ZNF483: variants seen among roughly 807,000 people sequenced by gnomAD.
ZNF483 encodes zinc finger protein HIT-10.
A neutral mutation model predicts 28.6 loss-of-function variants in ZNF483; 9 were observed. That is an observed-to-expected ratio of 0.32 (90% CI 0.19 to 0.55). The LOEUF (loss-of-function observed/expected upper bound fraction) is 0.55. Ranked by LOEUF, ZNF483 falls within the 20% of genes least tolerant of loss-of-function variation. The pLI, the probability that ZNF483 is intolerant of heterozygous loss-of-function variation, is 0.93. For synonymous variants in ZNF483, 322 were observed against 306.2 expected (o/e 1.05, Z -0.54); for missense variants, 675 against 871.7 (o/e 0.77, Z 2.84).
chr9:111,527,733 A>T lies in ZNF483; in HGVS notation c.338A>T (p.Lys113Met). 1 of 1,614,166 alleles carries T rather than the reference A, an allele frequency of 6.2e-7. No homozygotes were observed. Among genetic ancestry groups the T allele is most frequent in the African/African-American group, 1.3e-5 (1 of 75,054 alleles). ...ILPGEIRIWV[K>M]SQHPESSEEV... Reference sequence around the variant, plus strand: ...CCTGGGGAGATCAGGATTTGGGTAAAGTCACAACATCCTGAGAGTAGTGAG... The same window carrying T: ...CCTGGGGAGATCAGGATTTGGGTAATGTCACAACATCCTGAGAGTAGTGAG... Residue 113 changes from lysine (K) to methionine (M), a missense_variant, in exon 2 of 6, where the codon AAG (lysine) becomes ATG (methionine). By Grantham distance (95) the Lys-to-Met change is moderately conservative. Transcript: ENST00000309235.
intron 5 of ZNF483, among the ~76,000 whole-genome samples, chr9:111,565,207 G>A (rs929939547): frequency 6.6e-6 from 1 of 152,098 alleles, no homozygotes; most frequent in Non-Finnish European, 1.5e-5. Context: ...AGGAGGTTAG[G>A]ACATAGACAC....
At chr9:111,566,703 C>G (rs530975332) in intron 5 of ZNF483, among the ~76,000 whole-genome samples, 1 of 152,098 alleles carries the variant, frequency 6.6e-6, no homozygotes, top group Non-Finnish European at 1.5e-5. Flanking sequence ...TTATTCAGTG[C>G]CTACATTGCT....
intron 5 of ZNF483, among the ~76,000 whole-genome samples, chr9:111,541,088 CTTT>C (rs747551274): frequency 7.0e-5 from 9 of 128,108 alleles, no homozygotes; most frequent in South Asian, 5.0e-4. Context: ...AAGTTTGAAC[CTTT>C]TTTTTTTTTT....
intron 1 of ZNF483, among the ~76,000 whole-genome samples, chr9:111,525,509 T>G (rs954353735): frequency 6.6e-6 from 1 of 152,134 alleles, no homozygotes; most frequent in African/African-American, 2.4e-5. Context: ...GTTTGTGGTG[T>G]GGCGGTGAGG....
Position 111,542,873 on chromosome 9 carries a change from C to T in ZNF483, c.1938C>T (p.Thr646=). The change falls in exon 6 of 6, where the codon ACC becomes ACT. Residue 646 remains threonine (T), a synonymous_variant. Coordinates refer to ENST00000309235, the MANE Select transcript of ZNF483 (RefSeq NM_133464.5). This position sits in a 1 kb window ranked among gnomAD's most constrained non-coding sequence, Gnocchi z 6.2. ...ACCAGTGTGAGAAAGCCTTCCCAAC[C>T]CATTCACTGCTAAGTCGTCATCAGA... ...KCNQCEKAFP[T]HSLLSRHQRI... is the part of the protein sequence containing the mutation. 2 of 1,614,070 alleles carry T rather than the reference C, an allele frequency of 1.2e-6. No individual in the cohort carries two copies. Among genetic ancestry groups the T allele is most frequent in the Non-Finnish European group, 1.7e-6 (2 of 1,179,994 alleles).
chr9:111,535,675 C>A (rs1046934490), intron 5 of ZNF483, among the ~76,000 whole-genome samples: 11 of 151,958 alleles, frequency 7.2e-5, no homozygotes, highest in Admixed American at 2.6e-4. Context: ...TCCCAAGTAG[C>A]TGGGACTACA....
At chr9:111,573,831 C>T (rs1375169421) in intron 5 of ZNF483, among the ~76,000 whole-genome samples, 1 of 152,088 alleles carries the variant, frequency 6.6e-6, no homozygotes, top group African/African-American at 2.4e-5. Flanking sequence ...TTTTGGACCT[C>T]AGAGTGTGGA....
rs1364510694 is a variant in ZNF483, at chr9:111,541,777, C to T, written c.842C>T (p.Ser281Leu). ...SEEDHGNQGNSKGRVAQNKTL... is the reference protein window; with the variant it reads ...SEEDHGNQGNLKGRVAQNKTL... ...GAGGATCACGGTAATCAGGGAAATT[C>T]AAAAGGAAGAGTCGCACAAAACAAA... Residue 281 changes from serine to leucine, a missense_variant, in exon 6 of 6, where the codon TCA (serine) becomes TTA (leucine). By Grantham distance (145) the Ser-to-Leu change is moderately radical. Coordinates refer to ENST00000309235, the MANE Select transcript of ZNF483 (RefSeq NM_133464.5). 3.7e-6 allele frequency: 6 copies of T among 1,614,094 alleles called. No individual in the cohort carries two copies. The highest frequency in any genetic ancestry group is 1.1e-5 in the South Asian group (1 of 91,076).
intron 2 of ZNF483, among the ~76,000 whole-genome samples, chr9:111,528,609 A>G (rs2132214918): frequency 6.6e-6 from 1 of 152,258 alleles, no homozygotes; most frequent in African/African-American, 2.4e-5. Context: ...TATGCTACAA[A>G]TATTTGGAAT....
At chr9:111,570,975 A>C (rs942938149) in intron 5 of ZNF483, among the ~76,000 whole-genome samples, 2 of 152,212 alleles carry the variant, frequency 1.3e-5, no homozygotes, top group African/African-American at 4.8e-5. Context: ...CCTGGCTTTG[A>C]GGACAGAGGA....
chr9:111,549,750 C>T lies in ZNF483; in HGVS notation c.*6580C>T, dbSNP rs964289698. ...GGTAATGGTGAATGATACATATTCC[C>T]TTCATTTTTCTGCTTTGAAGCTTCA... On this transcript the variant is annotated 3_prime_UTR_variant, in exon 6 of 6. Transcript: ENST00000309235. The T allele has an allele frequency of 1.3e-6, 2 of 1,550,476 alleles. No individual in the cohort carries two copies. Among genetic ancestry groups the T allele is most frequent in the Admixed American group, 2.0e-5 (1 of 50,804 alleles).
At chr9:111,562,037 T>C (rs1241661368) in intron 5 of ZNF483, among the ~76,000 whole-genome samples, 1 of 151,804 alleles carries the variant, frequency 6.6e-6, no homozygotes, top group Non-Finnish European at 1.5e-5. Flanking sequence ...AGGCACCCGC[T>C]ACCATGCCCA....
At chr9:111,530,786 TATATATATATATATAC>T (rs1396986942) in intron 2 of ZNF483, 73 bp from the exon 3 acceptor site, 1,748 of 85,218 alleles carry the variant, frequency 0.021, 74 homozygotes, top group East Asian at 0.045. Flanking sequence ...TATATATATA[TATATATATATATATAC>T]ATATATATAT....
At chr9:111,564,527 A>G (rs1426844597) in intron 5 of ZNF483, among the ~76,000 whole-genome samples, 1 of 151,600 alleles carries the variant, frequency 6.6e-6, no homozygotes, top group Non-Finnish European at 1.5e-5. Flanking sequence ...GTTGGTCTCA[A>G]AGGCCTAGGC....
At chr9:111,562,040 C>T (rs1828341524) in intron 5 of ZNF483, among the ~76,000 whole-genome samples, 1 of 152,112 alleles carries the variant, frequency 6.6e-6, no homozygotes, top group South Asian at 2.1e-4. Context: ...CACCCGCTAC[C>T]ATGCCCAGCT....
chr9:111,533,067 A>C (rs1827390178), intron 3 of ZNF483, among the ~76,000 whole-genome samples: 1 of 152,168 alleles, frequency 6.6e-6, no homozygotes. Context: ...TAAAATTTGG[A>C]ATGTAGTTGC....
intron 2 of ZNF483, among the ~76,000 whole-genome samples, chr9:111,529,180 A>G (rs1167232064): frequency 6.6e-6 from 1 of 151,680 alleles, no homozygotes; most frequent in African/African-American, 2.4e-5. Context: ...AGGGTGTAAC[A>G]GTTTTCTTAA....
Position 111,550,660 on chromosome 9 carries a change from A to G in ZNF483, c.*7490A>G, listed in dbSNP as rs1223935688. Among the ~76,000 whole-genome samples, 1 of 152,178 alleles carries G rather than the reference A, an allele frequency of 6.6e-6. No individual in the cohort carries two copies. The highest frequency in any genetic ancestry group is 1.5e-5 in the Non-Finnish European group (1 of 68,024). On this transcript the variant is annotated 3_prime_UTR_variant, in exon 6 of 6. Transcript: ENST00000309235. The stretch of plus-strand genomic sequence containing the variant: ...GAGAGGTGGATTCCTGGGCCACTCT[A>G]TCCATGTCTTTGATTTTTCCTGCTT...
chr9:111,573,275 T>C (rs1828909267), intron 5 of ZNF483, among the ~76,000 whole-genome samples: 1 of 151,374 alleles, frequency 6.6e-6, no homozygotes, highest in South Asian at 2.1e-4. Context: ...GTTAGAAAAT[T>C]ATAGGGGGAA....
Sources: gnomAD v4.1 joint callset for allele counts (sites outside exome capture counted in the v4.1 genomes callset) on GRCh38, gnomAD v4.1.1 for gene constraint, Gnocchi (gnomAD v3.1) non-coding constraint, MANE v1.5 for transcripts, NCBI Gene and HGNC (gene_info 2026-07-23, HGNC 2026-07-21) for gene names.